Variants in COL8A1 observed in about 807,000 individuals in gnomAD.
COL8A1 encodes the protein collagen type VIII alpha 1 chain.
COL8A1 carries 21 observed loss-of-function variants against 42.7 expected under a neutral mutation model. The ratio of observed to expected loss-of-function variants is 0.49; its 90% CI spans 0.35 to 0.71. COL8A1 has a LOEUF of 0.71. Ranked by LOEUF, COL8A1 falls within the 30% of genes least tolerant of loss-of-function variation. COL8A1 has a pLI of 0.01. For missense variants in COL8A1, 788 were observed against 962.4 expected (o/e 0.82, Z 2.40); for synonymous variants, 367 against 369.1 (o/e 0.99, Z 0.06).
chr3:99,747,012 A>T (rs1160601529), intron 2 of COL8A1, among the ~76,000 whole-genome samples: 13 of 152,206 alleles, frequency 8.5e-5, no homozygotes, highest in Non-Finnish European at 1.9e-4. Context: ...TATTTGAAAC[A>T]AATGTAGATA....
chr3:99,765,929 G>GT (rs1941456401), intron 2 of COL8A1, among the ~76,000 whole-genome samples: 1 of 152,142 alleles, frequency 6.6e-6, no homozygotes, highest in Non-Finnish European at 1.5e-5. Flanking sequence ...GTGACCACAG[G>GT]TATTTTCTTT....
At chr3:99,787,081 T>C (rs995219177) in intron 2 of COL8A1, among the ~76,000 whole-genome samples, 6 of 152,188 alleles carry the variant, frequency 3.9e-5, no homozygotes, top group African/African-American at 1.4e-4. Flanking sequence ...AAGGGAAAGT[T>C]GGATTCAAGG....
chr3:99,736,126 A>C (rs1489288291), intron 1 of COL8A1, among the ~76,000 whole-genome samples: 3 of 151,796 alleles, frequency 2.0e-5, no homozygotes, highest in Non-Finnish European at 4.4e-5. Context: ...TAATTTTTTG[A>C]AGGGTTTTTT....
intron 1 of COL8A1, among the ~76,000 whole-genome samples, chr3:99,743,275 T>A (rs887075992): frequency 3.3e-5 from 5 of 152,236 alleles, no homozygotes; most frequent in African/African-American, 1.2e-4. Context: ...TTACTAAAGA[T>A]AATTTGAAAT....
At chr3:99,787,789 AAGCCAGCCT>A (rs1941922948) in intron 2 of COL8A1, among the ~76,000 whole-genome samples, 1 of 152,132 alleles carries the variant, frequency 6.6e-6, no homozygotes, top group Non-Finnish European at 1.5e-5. Context: ...ACCCATCACT[AAGCCAGCCT>A]GGCTGGCAAA....
chr3:99,762,676 C>A (rs1275824479), intron 2 of COL8A1, among the ~76,000 whole-genome samples: 1 of 152,182 alleles, frequency 6.6e-6, no homozygotes, highest in Admixed American at 6.5e-5. Flanking sequence ...TAGGCTTGCA[C>A]CCCAGTGATA....
chr3:99,717,023 C>G (rs779112316), intron 1 of COL8A1, among the ~76,000 whole-genome samples: 21 of 151,976 alleles, frequency 1.4e-4, no homozygotes, highest in Non-Finnish European at 2.5e-4. Context: ...CCTCTGAATT[C>G]TTCACTGAGC....
chr3:99,697,492 G>A (rs1192937404), intron 1 of COL8A1, among the ~76,000 whole-genome samples: 1 of 152,194 alleles, frequency 6.6e-6, no homozygotes, highest in Non-Finnish European at 1.5e-5. Context: ...TGTTTAAAAT[G>A]CTGGAATTGC....
At chr3:99,721,379 A>AG (rs1481669039) in intron 1 of COL8A1, among the ~76,000 whole-genome samples, 7 of 149,860 alleles carry the variant, frequency 4.7e-5, no homozygotes, top group African/African-American at 1.5e-4. Flanking sequence ...CAAAAAAAAA[A>AG]AAAAAGAAAG....
chr3:99,727,152 G>T (rs1336009936), intron 1 of COL8A1, among the ~76,000 whole-genome samples: 3 of 152,030 alleles, frequency 2.0e-5, no homozygotes, highest in Admixed American at 6.6e-5. Flanking sequence ...TGAATTCCTA[G>T]GTATTTTATT....
At chr3:99,768,528 G>A (rs187358455) in intron 2 of COL8A1, among the ~76,000 whole-genome samples, 1 of 152,240 alleles carries the variant, frequency 6.6e-6, no homozygotes, top group Non-Finnish European at 1.5e-5. Context: ...TAGACCATGA[G>A]GGTCAGAGAC....
chr3:99,759,512 T>G (rs1941325718), intron 2 of COL8A1, among the ~76,000 whole-genome samples: 1 of 152,104 alleles, frequency 6.6e-6, no homozygotes, highest in Non-Finnish European at 1.5e-5. Context: ...CTGGGTAGAT[T>G]TTTCATTCTA....
intron 1 of COL8A1, among the ~76,000 whole-genome samples, chr3:99,692,362 T>C (rs1369659610): frequency 6.6e-6 from 1 of 152,146 alleles, no homozygotes; most frequent in Non-Finnish European, 1.5e-5. Flanking sequence ...GCTGAGAAAA[T>C]AATATTATGG....
chr3:99,790,846 G>A lies in COL8A1; in HGVS notation c.164G>A (p.Gly55Asp). The A allele has an allele frequency of 6.2e-7, 1 of 1,614,224 alleles. No individual in the cohort carries two copies. The highest frequency in any genetic ancestry group is 1.6e-4 in the Middle Eastern group (1 of 6,062). The part of the protein sequence containing the change: ...PPQIPQYQPL[G>D]QQVPHMPLAK... ...CAAATTCCACAATACCAGCCCCTGG[G>A]TCAGCAAGTACCTCACATGCCTTTG... The change falls in exon 3 of 4, where the codon GGT becomes GAT. Residue 55 changes from glycine to aspartate, a missense_variant. This residue lies in a region of COL8A1 where 421 missense variants were observed against 553.1 expected (regional missense o/e 0.76). Transcript: ENST00000652472.
chr3:99,793,845 G>A (rs1006792734), intron 3 of COL8A1, among the ~76,000 whole-genome samples: 6 of 151,854 alleles, frequency 4.0e-5, no homozygotes, highest in Non-Finnish European at 8.8e-5. Context: ...TCTGCCTCCT[G>A]GGTTCAAGTG....
At chr3:99,764,701 C>CTTTTTTTTTTTTTTTTTTTTT (rs10648559) in intron 2 of COL8A1, among the ~76,000 whole-genome samples, 27 of 125,016 alleles carry the variant, frequency 2.2e-4, no homozygotes, top group East Asian at 4.5e-4. Context: ...TCTTTTTTTT[C>CTTTTTTTTTTTTTTTTTTTTT]TTTTTTTTTT....
Position 99,796,294 on chromosome 3 carries a change from T to G in COL8A1, c.*158T>G. The G allele has an allele frequency of 1.8e-6, 1 of 565,686 alleles. No individual in the cohort carries two copies. Among genetic ancestry groups the G allele is most frequent in the Non-Finnish European group, 3.0e-6 (1 of 338,878 alleles). The allele number at this position is 565,686 out of a possible 1,614,324, so 35.0% of individuals were successfully genotyped here. ...TGGACCATTGTGTACAAATAAAAAC[T>G]AAGATGCATGTTTAATACTCCACAC... On this transcript the variant is annotated 3_prime_UTR_variant, in exon 4 of 4. Coordinates refer to ENST00000652472, the MANE Select transcript of COL8A1 (RefSeq NM_020351.4).
At chr3:99,777,541 C>G (rs1310554821) in intron 2 of COL8A1, among the ~76,000 whole-genome samples, 1 of 152,172 alleles carries the variant, frequency 6.6e-6, no homozygotes, top group Non-Finnish European at 1.5e-5. Flanking sequence ...GACACACTTT[C>G]TGGTATTTAA....
At chr3:99,683,215 A>T (rs1195592923) in intron 1 of COL8A1, among the ~76,000 whole-genome samples, 2 of 152,172 alleles carry the variant, frequency 1.3e-5, no homozygotes, top group African/African-American at 2.4e-5. Flanking sequence ...TCTCCCCCAT[A>T]AGACTCTATA....
Sources: allele counts gnomAD v4.1 joint callset (sites outside exome capture counted in the v4.1 genomes callset), GRCh38; gene constraint gnomAD v4.1.1; regional missense constraint gnomAD v4.1.1; transcripts MANE v1.5; gene names NCBI Gene and HGNC (gene_info 2026-07-23, HGNC 2026-07-21).